The following ABCG1 variants were observed in gnomAD, a reference collection of about 807,000 sequenced individuals.
ABCG1 encodes ATP binding cassette subfamily G member 1, also known as ATP-binding cassette sub-family G member 1.
A neutral mutation model predicts 69.2 loss-of-function variants in ABCG1; 29 were observed. The observed-to-expected ratio is 0.42, with a 90% CI of 0.31 to 0.57. The LOEUF is 0.57. Ranked by LOEUF, ABCG1 falls within the 20% of genes least tolerant of loss-of-function variation. The pLI is 0.15. For missense variants in ABCG1, 718 were observed against 898.1 expected (o/e 0.80, Z 2.56); for synonymous variants, 370 against 374.8 (o/e 0.99, Z 0.15).
chr21:42,203,979 C>T (rs1408683685), intron 2 of ABCG1, among the ~76,000 whole-genome samples: 1 of 152,110 alleles, frequency 6.6e-6, no homozygotes, highest in African/African-American at 2.4e-5. Context: ...GTTACATTTA[C>T]TACTAAGTAT....
Position 42,288,805 on chromosome 21 carries a change from C to G in ABCG1, c.1224+493C>G, listed in dbSNP as rs1188611085. ...GAAAAAAGAAAGAAAGAAAGAAATG[C>G]CTGAGCCTGGGGAATTTATAAAGAA... On this transcript the variant is annotated intron_variant, in intron 10 of 14. Transcript: ENST00000398449. The surrounding 1 kb of genome is among the most constrained non-coding windows in gnomAD (Gnocchi z 4.8). Among the ~76,000 whole-genome samples, 1 of 152,142 alleles carries G rather than the reference C, an allele frequency of 6.6e-6. No individual in the cohort carries two copies. Among genetic ancestry groups the G allele is most frequent in the African/African-American group, 2.4e-5 (1 of 41,418 alleles).
chr21:42,201,713 C>A (rs2067507859), exon 2 of ABCG1: 1 of 1,613,844 alleles, frequency 6.2e-7, no homozygotes, highest in Admixed American at 1.7e-5. Context: ...CAGAGAAAGC[C>A]CTGCCCTCAG....
chr21:42,203,617 T>C (rs1236125136), intron 2 of ABCG1, among the ~76,000 whole-genome samples: 1 of 152,262 alleles, frequency 6.6e-6, no homozygotes, highest in Non-Finnish European at 1.5e-5. Flanking sequence ...TTTGCGTCTG[T>C]CCTTTTGCCA....
rs757223058 is a variant in ABCG1 at position 42,290,075 on chromosome 21, C to T, written c.1250C>T (p.Ser417Leu). 3.1e-6 allele frequency: 5 copies of T among 1,614,218 alleles called. No homozygotes were observed. Among genetic ancestry groups the T allele is most frequent in the Admixed American group, 1.7e-5 (1 of 60,028 alleles). The stretch of plus-strand genomic sequence containing the variant: ...GTCCTGACACACCTGCGCATCACCT[C>T]GCACATTGGGATCGGCCTCCTCATT... ...DSVLTHLRIT[S>L]HIGIGLLIGL... The change falls in exon 11 of 15, where the codon TCG becomes TTG. Residue 417 changes from serine (S) to leucine (L), a missense_variant. By Grantham distance (145) the Ser-to-Leu change is moderately radical. Transcript: ENST00000398449.
intron 4 of ABCG1, among the ~76,000 whole-genome samples, chr21:42,275,332 G>A (rs923488723): frequency 8.5e-5 from 13 of 152,184 alleles, no homozygotes; most frequent in Admixed American, 7.9e-4. Context: ...ATCCCTGGGC[G>A]GTGTGTGCCC....
chr21:42,263,489 T>C (rs2068447791), intron 2 of ABCG1, among the ~76,000 whole-genome samples: 2 of 152,170 alleles, frequency 1.3e-5, no homozygotes, highest in Admixed American at 6.5e-5. Context: ...GACCCTGGTG[T>C]GTTCGATCTG....
rs751249758 is a variant in ABCG1 at position 42,287,122 on chromosome 21, G to A, written c.974-767G>A. 2.0e-5 allele frequency among the ~76,000 whole-genome samples: 3 copies of A among 152,212 alleles called. No homozygotes were observed. The highest frequency in any genetic ancestry group is 4.4e-5 in the Non-Finnish European group (3 of 68,034). On this transcript the variant is annotated intron_variant, in intron 8 of 14. Coordinates refer to ENST00000398449, the MANE Select transcript of ABCG1 (RefSeq NM_016818.3). The surrounding 1 kb of genome is among the most constrained non-coding windows in gnomAD (Gnocchi z 6.2). The stretch of plus-strand genomic sequence containing the variant: ...TAGCAAGAACGTTACTGGAGTGGGA[G>A]GCAAGGCATCGCACAGGGAGGACAC...
intron 2 of ABCG1, among the ~76,000 whole-genome samples, chr21:42,202,855 C>T (rs1051716917): frequency 6.6e-6 from 1 of 152,184 alleles, no homozygotes; most frequent in African/African-American, 2.4e-5. Context: ...TCAAGCGATC[C>T]TCTGGCCTCA....
chr21:42,222,299 G>A (rs1459863464), intron 1 of ABCG1, among the ~76,000 whole-genome samples: 1 of 152,208 alleles, frequency 6.6e-6, no homozygotes, highest in Admixed American at 6.5e-5. Context: ...CAGACTGACA[G>A]GCCACTGCCT....
At position 42,276,722 on chromosome 21, in the gene ABCG1, CGTGGCTAGCGGCATT is replaced by C. The variant is rs1405979101; in HGVS notation, c.538-163_538-149del. On this transcript the variant is annotated intron_variant, in intron 4 of 14. Coordinates refer to ENST00000398449, the MANE Select transcript of ABCG1 (RefSeq NM_016818.3). This position sits in a 1 kb window ranked among gnomAD's most constrained non-coding sequence, Gnocchi z 5.3. ...CTAGTGGCACCGTGGCTAGCTGCAC[CGTGGCTAGCGGCATT>C]GTGGCTAGCTGCACTGTGGGTAGCT... 25 of 651,970 alleles carry C rather than the reference CGTGGCTAGCGGCATT, an allele frequency of 3.8e-5. No individual in the cohort carries two copies. Among genetic ancestry groups the C allele is most frequent in the Middle Eastern group, 4.3e-4 (1 of 2,324 alleles). 40.4% of individuals were successfully genotyped at this position (651,970 alleles called of 1,614,324 possible).
At chr21:42,219,122 C>T (rs1310574610), upstream of ABCG1, 4 of 783,018 alleles carry the variant, frequency 5.1e-6, no homozygotes, top group Admixed American at 4.9e-5. The surrounding 1 kb of genome is among the most constrained non-coding windows in gnomAD (Gnocchi z 5.3). Flanking sequence ...GAACCAGAGC[C>T]GGAGCCGGAT....
rs986702353 is a variant in ABCG1 at position 42,268,278 on chromosome 21, G to A, written c.287-2792G>A. Among the ~76,000 whole-genome samples the A allele has an allele frequency of 1.6e-4, 24 of 152,260 alleles. No individual in the cohort carries two copies. In the East Asian group the frequency reaches 2.1e-3, roughly 13 times the overall value. Reference sequence around the variant, plus strand: ...GTAGGGCAGGCGGGGTGGGATGGTCGCATCTTCGCTTTATATTTCTGTAAT... The same window carrying A: ...GTAGGGCAGGCGGGGTGGGATGGTCACATCTTCGCTTTATATTTCTGTAAT... On this transcript the variant is annotated intron_variant, in intron 2 of 14. Transcript: ENST00000398449.
intron 2 of ABCG1, among the ~76,000 whole-genome samples, chr21:42,268,362 GGT>G (rs1555957893): frequency 5.8e-4 from 85 of 147,642 alleles, no homozygotes; most frequent in East Asian, 1.6e-3. Flanking sequence ...TAGAGGTAGG[GGT>G]GTGTGTGTGT....
In ABCG1 at chr21:42,296,931, G is replaced by A. The variant is rs914432861; in HGVS notation, c.*539G>A. 8.0e-5 allele frequency: 13 copies of A among 162,336 alleles called. No individual in the cohort carries two copies. Among genetic ancestry groups the A allele is most frequent in the Admixed American group, 2.8e-4 (5 of 17,790 alleles). 10.1% of individuals were successfully genotyped at this position (162,336 alleles called of 1,614,324 possible). On this transcript the variant is annotated 3_prime_UTR_variant, in exon 15 of 15. Coordinates refer to ENST00000398449, the MANE Select transcript of ABCG1 (RefSeq NM_016818.3). The surrounding 1 kb of genome is among the most constrained non-coding windows in gnomAD (Gnocchi z 5.4). Reference sequence around the variant, plus strand: ...TTTGCAAGCCAAAAGTCGATCAATCGCATTCATTTTAAGAAATTATACCTT... The same window carrying A: ...TTTGCAAGCCAAAAGTCGATCAATCACATTCATTTTAAGAAATTATACCTT...
At chr21:42,267,059 A>G (rs1294764624) in intron 2 of ABCG1, among the ~76,000 whole-genome samples, 1 of 152,222 alleles carries the variant, frequency 6.6e-6, no homozygotes, top group Non-Finnish European at 1.5e-5. Context: ...TCTTCTTAGC[A>G]TGCAGTGCTC....
In ABCG1 at chr21:42,296,219, C is replaced by T. The variant is rs761179577; in HGVS notation, c.1828C>T (p.His610Tyr). ...SIYGLDREDL[H>Y]CDIDETCHFQ... ...CTATGGCTTAGACCGGGAAGATCTG[C>T]ACTGTGACATCGACGAGACGTGCCA... Residue 610 changes from histidine (H) to tyrosine (Y), a missense_variant, in exon 15 of 15, where the codon CAC becomes TAC. By Grantham distance (83) the His-to-Tyr change is moderately conservative (BLOSUM62 2). Around this residue, in one of 2 missense-constraint regions of ABCG1, gnomAD observed 204 missense variants for 323.8 expected, o/e 0.63. Coordinates refer to ENST00000398449, the MANE Select transcript of ABCG1 (RefSeq NM_016818.3). The surrounding 1 kb of genome is among the most constrained non-coding windows in gnomAD (Gnocchi z 5.4). 1.1e-5 allele frequency: 17 copies of T among 1,614,028 alleles called. No individual in the cohort carries two copies. The highest frequency in any genetic ancestry group is 1.4e-5 in the Non-Finnish European group (16 of 1,180,048).
chr21:42,276,990 G>A lies in ABCG1; in HGVS notation c.588+45G>A. On this transcript the variant is annotated intron_variant, in intron 5 of 14. Coordinates refer to ENST00000398449, the MANE Select transcript of ABCG1 (RefSeq NM_016818.3). This position sits in a 1 kb window ranked among gnomAD's most constrained non-coding sequence, Gnocchi z 5.3. ...CCCACAAGTGGTCCAGAAAGTGCAT[G>A]ACGTGCATGTGGAAGGTGTGCCTGC... 1.2e-6 allele frequency: 2 copies of A among 1,603,164 alleles called. No homozygotes were observed. The highest frequency in any genetic ancestry group is 1.7e-6 in the Non-Finnish European group (2 of 1,170,386).
chr21:42,262,705 G>A (rs180952211), intron 2 of ABCG1, among the ~76,000 whole-genome samples: 10 of 152,340 alleles, frequency 6.6e-5, no homozygotes, highest in Admixed American at 2.6e-4. Context: ...TGCAAGAGCC[G>A]CCTCCGGGTT....
At chr21:42,201,960 G>A (rs1481815181) in intron 2 of ABCG1, among the ~76,000 whole-genome samples, 2 of 152,190 alleles carry the variant, frequency 1.3e-5, no homozygotes, top group Admixed American at 6.5e-5. Flanking sequence ...CCACCCTGGG[G>A]ACTTGAACTC....
Sources: gnomAD v4.1 joint callset for allele counts (sites outside exome capture counted in the v4.1 genomes callset) on GRCh38, gnomAD v4.1.1 for gene constraint, gnomAD v4.1.1 regional missense constraint, Gnocchi (gnomAD v3.1) non-coding constraint, MANE v1.5 for transcripts, NCBI Gene and HGNC (gene_info 2026-07-23, HGNC 2026-07-21) for gene names.